The following CORIN variants were observed in gnomAD, a reference collection of about 807,000 sequenced individuals.
CORIN encodes the protein atrial natriuretic peptide-converting enzyme.
Under a neutral mutation model 125.3 loss-of-function variants are expected in CORIN, and 117 were observed. The observed-to-expected ratio is 0.93, with a 90% CI of 0.80 to 1.09. The LOEUF (loss-of-function observed/expected upper bound fraction) is 1.09, where lower values mean the gene tolerates loss of function less well. CORIN is among the 50% of genes least tolerant of loss of function. The pLI, the probability that CORIN is intolerant of heterozygous loss-of-function variation, is 0.00. For missense variants in CORIN, 1,253 were observed against 1,306.7 expected (o/e 0.96, Z 0.63); for synonymous variants, 450 against 466.4 (o/e 0.96, Z 0.45).
chr4:47,601,973 G>C (rs1443497332), intron 20 of CORIN, among the ~76,000 whole-genome samples: 1 of 151,568 alleles, frequency 6.6e-6, no homozygotes, highest in African/African-American at 2.4e-5. Context: ...TGAAAGCCAT[G>C]GCATTATACT....
chr4:47,800,998 C>A (rs1731518212), intron 2 of CORIN, among the ~76,000 whole-genome samples: 1 of 152,194 alleles, frequency 6.6e-6, no homozygotes, highest in South Asian at 2.1e-4. Context: ...CTGCCGCATG[C>A]ATGGCAGACC....
intron 3 of CORIN, among the ~76,000 whole-genome samples, chr4:47,780,916 T>G (rs1730515229): frequency 6.8e-6 from 1 of 148,062 alleles, no homozygotes; most frequent in South Asian, 2.1e-4. Context: ...TGAGATTTTA[T>G]ATATATATAT....
At chr4:47,834,380 C>T (rs993025403) in intron 1 of CORIN, among the ~76,000 whole-genome samples, 7 of 152,114 alleles carry the variant, frequency 4.6e-5, no homozygotes, top group Admixed American at 3.3e-4. Context: ...CATGATCCCA[C>T]TTAATTGAGG....
At chr4:47,750,225 C>G (rs1289702683) in intron 4 of CORIN, among the ~76,000 whole-genome samples, 2 of 152,118 alleles carry the variant, frequency 1.3e-5, no homozygotes, top group African/African-American at 2.4e-5. Context: ...GTATGAGAAG[C>G]AGAAAAGAGG....
In CORIN at chr4:47,645,109, G is replaced by A; in HGVS notation, c.1929C>T (p.Cys643=). 1 of 1,610,852 alleles carries A rather than the reference G, an allele frequency of 6.2e-7. No individual in the cohort carries two copies. The highest frequency in any genetic ancestry group is 8.5e-7 in the Non-Finnish European group (1 of 1,178,144). The change falls in exon 14 of 22, where the codon TGC becomes TGT. Residue 643 remains cysteine, a synonymous_variant. Coordinates refer to ENST00000273857, the MANE Select transcript of CORIN (RefSeq NM_006587.4). ...AGTTTTTCTCGTCCATGTAATCAGG[G>A]CAGTCTGGGAACCCATCGCAGATCA... ...HTVICDGFPD[C]PDYMDEKNCS... is the part of the protein sequence containing the mutation.
intron 16 of CORIN, among the ~76,000 whole-genome samples, chr4:47,632,725 T>TGATAGATAGATAGATGATAGATAGATA (rs1553905879): frequency 8.7e-5 from 11 of 126,762 alleles, no homozygotes; most frequent in African/African-American, 3.5e-4. Context: ...TGACAATAGA[T>TGATAGATAGATAGATGATAGATAGATA]GATAGATAGA....
intron 4 of CORIN, among the ~76,000 whole-genome samples, chr4:47,751,980 T>C (rs1405580449): frequency 6.6e-6 from 1 of 151,534 alleles, no homozygotes; most frequent in Non-Finnish European, 1.5e-5. Flanking sequence ...ACTCCCAACC[T>C]TGGCAACAGT....
At chr4:47,775,400 G>T (rs933684971) in intron 3 of CORIN, among the ~76,000 whole-genome samples, 2 of 151,942 alleles carry the variant, frequency 1.3e-5, no homozygotes, top group Non-Finnish European at 2.9e-5. Context: ...CCCCGTGTGT[G>T]ATGTTCCCCA....
intron 19 of CORIN, among the ~76,000 whole-genome samples, chr4:47,608,968 C>G (rs566896834): frequency 6.6e-6 from 1 of 152,116 alleles, no homozygotes; most frequent in South Asian, 2.1e-4. Context: ...TTCTCTCACC[C>G]TCTCTGACTT....
chr4:47,799,518 G>T (rs1731446175), intron 2 of CORIN, among the ~76,000 whole-genome samples: 1 of 152,070 alleles, frequency 6.6e-6, no homozygotes, highest in East Asian at 1.9e-4. Context: ...GATTAGTGAT[G>T]TTGAGCATTT....
intron 1 of CORIN, among the ~76,000 whole-genome samples, chr4:47,829,489 C>G (rs1157569709): frequency 6.6e-6 from 1 of 152,120 alleles, no homozygotes; most frequent in Non-Finnish European, 1.5e-5. Flanking sequence ...GTTCTGTGAG[C>G]CATCAGGGCA....
At chr4:47,755,313 C>T (rs1441452844) in intron 4 of CORIN, among the ~76,000 whole-genome samples, 3 of 152,054 alleles carry the variant, frequency 2.0e-5, no homozygotes, top group Non-Finnish European at 4.4e-5. Context: ...AAGTATGCTC[C>T]CCCTTCCATC....
intron 5 of CORIN, among the ~76,000 whole-genome samples, chr4:47,694,248 G>A (rs924321225): frequency 1.3e-5 from 2 of 152,178 alleles, no homozygotes; most frequent in African/African-American, 4.8e-5. Context: ...GGCATCGGGA[G>A]AGGTATATTA....
chr4:47,706,441 A>C, intron 5 of CORIN: 1 of 1,610,492 alleles, frequency 6.2e-7, no homozygotes, highest in Non-Finnish European at 8.5e-7. Flanking sequence ...CTTTCTTCTG[A>C]GGGTCCGCTG....
intron 19 of CORIN, among the ~76,000 whole-genome samples, chr4:47,614,975 C>T (rs886142993): frequency 6.6e-6 from 1 of 152,114 alleles, no homozygotes; most frequent in Non-Finnish European, 1.5e-5. Flanking sequence ...TTTGACGGGG[C>T]AATCACTTTG....
chr4:47,818,314 T>C (rs1336696952), intron 1 of CORIN, among the ~76,000 whole-genome samples: 5 of 152,172 alleles, frequency 3.3e-5, no homozygotes, highest in African/African-American at 4.8e-5. Context: ...TGGATAGATA[T>C]AGACGAGCAA....
At chr4:47,649,118 C>T (rs1182412873) in intron 13 of CORIN, among the ~76,000 whole-genome samples, 1 of 152,206 alleles carries the variant, frequency 6.6e-6, no homozygotes, top group Admixed American at 6.5e-5. Context: ...GCAGCCTACC[C>T]AATTCCTGAG....
rs185592661 is a variant in CORIN, at chr4:47,661,425, C to T, written c.1735+286G>A. On this transcript the variant is annotated intron_variant, in intron 12 of 21. Coordinates refer to ENST00000273857, the MANE Select transcript of CORIN (RefSeq NM_006587.4). ...ATTATTATGCACTGTATGCCTGTAT[C>T]AAAATATTTTAGGTACCCCATACAT... is the stretch of plus-strand genomic sequence containing the variant. The T allele has an allele frequency of 1.2e-3, 312 of 270,392 alleles. 4 individuals carry two copies. Among genetic ancestry groups the T allele is most frequent in the Middle Eastern group, 9.7e-3 (9 of 926 alleles). The allele number at this position is 270,392 out of a possible 1,614,324, so 16.7% of individuals were successfully genotyped here. A position where few individuals can be genotyped will look rare whatever the true frequency, so the allele number is the denominator to read the frequency against.
chr4:47,649,241 G>A (rs1723626513), intron 13 of CORIN, among the ~76,000 whole-genome samples: 1 of 152,170 alleles, frequency 6.6e-6, no homozygotes, highest in Non-Finnish European at 1.5e-5. Flanking sequence ...TAAACTGCAT[G>A]GCTCTAATCC....
Sources: allele counts gnomAD v4.1 joint callset (sites outside exome capture counted in the v4.1 genomes callset), GRCh38; gene constraint gnomAD v4.1.1; transcripts MANE v1.5; gene names NCBI Gene and HGNC (gene_info 2026-07-23, HGNC 2026-07-21).